The following EPHA6 variants were observed in gnomAD, a reference collection of about 807,000 sequenced individuals.
EPHA6 encodes the protein ephrin type-A receptor 6.
In EPHA6, 50 loss-of-function variants were observed where a neutral mutation model predicts 112.0. That is an observed-to-expected ratio of 0.45 (90% CI 0.36 to 0.56). The LOEUF is 0.56. Ranked by LOEUF, EPHA6 falls within the 20% of genes least tolerant of loss-of-function variation. The pLI is 0.00. For missense variants in EPHA6, 1,280 were observed against 1,417.4 expected (o/e 0.90, Z 1.56); for synonymous variants, 529 against 490.7 (o/e 1.08, Z -1.03).
At chr3:96,936,097 C>T (rs1397169620) in intron 2 of EPHA6, among the ~76,000 whole-genome samples, 1 of 152,054 alleles carries the variant, frequency 6.6e-6, no homozygotes, top group African/African-American at 2.4e-5. Context: ...TGTTACTTCT[C>T]CTCTGGATGT....
At chr3:96,939,044 CA>C (rs1185229300) in intron 2 of EPHA6, among the ~76,000 whole-genome samples, 6 of 152,100 alleles carry the variant, frequency 3.9e-5, no homozygotes, top group Admixed American at 3.9e-4. Flanking sequence ...CAATGTTCAT[CA>C]AGGATATTGG....
chr3:97,550,565 C>G (rs141759542), intron 11 of EPHA6, among the ~76,000 whole-genome samples: 4 of 152,180 alleles, frequency 2.6e-5, no homozygotes, highest in African/African-American at 7.2e-5. Flanking sequence ...TTGCAGCAAC[C>G]AAGGAAAACA....
chr3:97,153,726 C>T (rs2076223159), intron 3 of EPHA6, among the ~76,000 whole-genome samples: 1 of 151,942 alleles, frequency 6.6e-6, no homozygotes, highest in Non-Finnish European at 1.5e-5. Flanking sequence ...TGTGGAATTT[C>T]ATTAGATTGT....
chr3:97,497,628 G>A (rs1054655622), intron 10 of EPHA6, among the ~76,000 whole-genome samples: 4 of 152,078 alleles, frequency 2.6e-5, no homozygotes, highest in Non-Finnish European at 5.9e-5. Context: ...CATGTGGTAG[G>A]CACTATATAA....
chr3:97,371,366 T>C (rs986780305), intron 5 of EPHA6, among the ~76,000 whole-genome samples: 2 of 152,076 alleles, frequency 1.3e-5, no homozygotes, highest in African/African-American at 2.4e-5. Flanking sequence ...TTCATGGACA[T>C]TTATTAGTTC....
intron 2 of EPHA6, among the ~76,000 whole-genome samples, chr3:96,914,939 A>G (rs1477941173): frequency 4.6e-5 from 7 of 151,590 alleles, no homozygotes; most frequent in African/African-American, 1.7e-4. Context: ...AGAAAATGTT[A>G]GTGATAAAAA....
chr3:96,887,390 G>A (rs1490447059), intron 2 of EPHA6, among the ~76,000 whole-genome samples: 1 of 152,114 alleles, frequency 6.6e-6, no homozygotes, highest in South Asian at 2.1e-4. Context: ...GAGTCTACCC[G>A]GCTCCAGGCT....
At chr3:97,167,460 G>GT (rs1203178174) in intron 3 of EPHA6, among the ~76,000 whole-genome samples, 2 of 151,772 alleles carry the variant, frequency 1.3e-5, no homozygotes, top group African/African-American at 4.8e-5. Context: ...TTTATTTTAG[G>GT]TTTTTTTACT....
In EPHA6 at chr3:97,748,988, G is replaced by T. The variant is rs1418769237; in HGVS notation, c.*287G>T. On this transcript the variant is annotated 3_prime_UTR_variant, in exon 18 of 18. Coordinates refer to ENST00000389672, the MANE Select transcript of EPHA6 (RefSeq NM_001080448.3). Reference sequence around the variant, plus strand: ...GTGTAATTTTGTATAAGCCGTATATGGGAAGTGTTCACGGACTTAACCTAA... The same window carrying T: ...GTGTAATTTTGTATAAGCCGTATATTGGAAGTGTTCACGGACTTAACCTAA... 2.6e-6 allele frequency: 1 copy of T among 380,092 alleles called. No individual in the cohort carries two copies. Among genetic ancestry groups the T allele is most frequent in the Admixed American group, 3.7e-5 (1 of 27,290 alleles). The allele number at this position is 380,092 out of a possible 1,614,324, so 23.5% of individuals were successfully genotyped here. A position where few individuals can be genotyped will look rare whatever the true frequency, so the allele number is the denominator to read the frequency against.
intron 5 of EPHA6, among the ~76,000 whole-genome samples, chr3:97,303,169 A>G (rs569721428): frequency 6.6e-6 from 1 of 152,130 alleles, no homozygotes; most frequent in South Asian, 2.1e-4. Flanking sequence ...GATAATTTCA[A>G]TGATTTTAAT....
chr3:97,525,016 T>C (rs754794508), intron 10 of EPHA6, among the ~76,000 whole-genome samples: 4 of 152,178 alleles, frequency 2.6e-5, no homozygotes, highest in South Asian at 4.1e-4. Flanking sequence ...TCCTTTGAGG[T>C]TCCTGAATCT....
intron 3 of EPHA6, among the ~76,000 whole-genome samples, chr3:97,149,919 A>G (rs1271113284): frequency 6.6e-6 from 1 of 150,840 alleles, no homozygotes; most frequent in Non-Finnish European, 1.5e-5. Context: ...GATACTAGAA[A>G]CTCTCTCTAG....
intron 5 of EPHA6, among the ~76,000 whole-genome samples, chr3:97,335,420 C>T (rs2083011114): frequency 6.6e-6 from 1 of 152,176 alleles, no homozygotes; most frequent in Non-Finnish European, 1.5e-5. Context: ...CATTTTGCTA[C>T]AGCAGCACAA....
At chr3:97,648,613 A>G in intron 14 of EPHA6, 3 of 1,134,630 alleles carry the variant, frequency 2.6e-6, no homozygotes, top group Non-Finnish European at 3.2e-6. Context: ...ACATGAGTAA[A>G]TGGGATTCGT....
intron 6 of EPHA6, among the ~76,000 whole-genome samples, chr3:97,413,989 A>G (rs1174460685): frequency 6.6e-6 from 1 of 152,038 alleles, no homozygotes; most frequent in Non-Finnish European, 1.5e-5. Context: ...TAAAAATGCT[A>G]CCATATTTGT....
rs868596649 is a variant in EPHA6, at chr3:97,736,429, C to T, written c.3128+311C>T. On this transcript the variant is annotated intron_variant, in intron 16 of 17. Transcript: ENST00000389672. ...CATAGCCTTTTAAAATTGATTGATC[C>T]TTCCTTACCTTTAGAAGTAGAGAGA... Among the ~76,000 whole-genome samples, 15 of 147,494 alleles carry T rather than the reference C, an allele frequency of 1.0e-4. 1 individual carries two copies. The Middle Eastern group carries it at 0.014, about 136-fold the overall frequency.
chr3:97,128,872 C>CTTT (rs377407255), intron 3 of EPHA6, among the ~76,000 whole-genome samples: 22,643 of 117,152 alleles, frequency 0.19, 2,694 homozygotes, highest in Non-Finnish European at 0.25. Context: ...ATTTTTATGT[C>CTTT]TTTTTTTTTT....
chr3:96,961,300 A>G (rs1559625077), intron 2 of EPHA6, among the ~76,000 whole-genome samples: 1 of 152,150 alleles, frequency 6.6e-6, no homozygotes, highest in Admixed American at 6.5e-5. Flanking sequence ...ATAACTTAGA[A>G]CCTTATCCAT....
chr3:96,957,345 G>A (rs2041803260), intron 2 of EPHA6, among the ~76,000 whole-genome samples: 1 of 152,150 alleles, frequency 6.6e-6, no homozygotes. Context: ...GTAGACAGAC[G>A]TTCTCAATTT....
Sources: gnomAD v4.1 joint callset for allele counts (sites outside exome capture counted in the v4.1 genomes callset) on GRCh38, gnomAD v4.1.1 for gene constraint, MANE v1.5 for transcripts, NCBI Gene and HGNC (gene_info 2026-07-23, HGNC 2026-07-21) for gene names.